PEX5L: variants seen among roughly 807,000 people sequenced by gnomAD.
The protein encoded by PEX5L is PEX5-related protein.
PEX5L carries 30 observed loss-of-function variants against 84.0 expected under a neutral mutation model. The ratio of observed to expected loss-of-function variants is 0.36; its 90% CI spans 0.27 to 0.48. The LOEUF is 0.48. Among genes scored for constraint, PEX5L ranks in the 20% least tolerant of loss-of-function variants. The pLI, the probability that PEX5L is intolerant of heterozygous loss-of-function variation, is 0.99. For synonymous variants in PEX5L, 270 were observed against 283.1 expected (o/e 0.95, Z 0.46); for missense variants, 533 against 754.6 (o/e 0.71, Z 3.44).
intron 2 of PEX5L, among the ~76,000 whole-genome samples, chr3:179,971,193 T>TCTCTCTCTC (rs374504805): frequency 4.2e-4 from 63 of 151,696 alleles, no homozygotes; most frequent in East Asian, 2.7e-3. Flanking sequence ...TTTTCTCTCT[T>TCTCTCTCTC]TCTCTCTCTC....
chr3:179,933,263 G>T (rs1016841951), intron 2 of PEX5L, among the ~76,000 whole-genome samples: 6 of 152,184 alleles, frequency 3.9e-5, no homozygotes, highest in Non-Finnish European at 2.9e-5. Context: ...TTGTTACCAG[G>T]AAATCGACAG....
At chr3:179,889,606 C>T (rs1393636526) in intron 3 of PEX5L, among the ~76,000 whole-genome samples, 4 of 152,076 alleles carry the variant, frequency 2.6e-5, no homozygotes, top group Non-Finnish European at 4.4e-5. Context: ...ATGTATAAAA[C>T]CTCGCAGATT....
intron 3 of PEX5L, among the ~76,000 whole-genome samples, chr3:179,890,680 CA>C (rs1232123167): frequency 6.6e-5 from 10 of 151,890 alleles, no homozygotes; most frequent in African/African-American, 1.9e-4. Flanking sequence ...AGTAAAAAAA[CA>C]AACAAACAAA....
chr3:179,973,593 CTT>C (rs1211247389), intron 1 of PEX5L: 3 of 984,358 alleles, frequency 3.0e-6, no homozygotes, highest in Non-Finnish European at 3.6e-6. Context: ...CATAAAAGCT[CTT>C]GATTTCCCCT....
At chr3:179,937,181 T>C (rs79115987) in intron 2 of PEX5L, among the ~76,000 whole-genome samples, 5,786 of 152,252 alleles carry the variant, frequency 0.038, 138 homozygotes, top group Middle Eastern at 0.085. Flanking sequence ...GTTTACCATG[T>C]TACAAAAGTA....
intron 1 of PEX5L, among the ~76,000 whole-genome samples, chr3:179,984,243 G>A (rs1216530395): frequency 2.6e-5 from 4 of 151,962 alleles, no homozygotes; most frequent in Non-Finnish European, 5.9e-5. Flanking sequence ...AAAATCTACT[G>A]CAAAAGATTA....
chr3:179,871,229 C>T (rs911582538), intron 7 of PEX5L, among the ~76,000 whole-genome samples: 6 of 151,170 alleles, frequency 4.0e-5, no homozygotes, highest in Non-Finnish European at 7.4e-5. Context: ...CAGCCTCCTG[C>T]GTAGCTGGGA....
chr3:179,866,762 C>T (rs1333028318), intron 7 of PEX5L, among the ~76,000 whole-genome samples: 1 of 151,868 alleles, frequency 6.6e-6, no homozygotes, highest in African/African-American at 2.4e-5. Flanking sequence ...CGGTGGCTCA[C>T]GCCTGTAATC....
chr3:179,944,493 G>A (rs566310489), intron 2 of PEX5L, among the ~76,000 whole-genome samples: 4 of 152,308 alleles, frequency 2.6e-5, no homozygotes, highest in Non-Finnish European at 4.4e-5. Context: ...AGGAATAAAC[G>A]AAATGCCTGG....
Position 179,887,751 on chromosome 3 carries a change from G to C in PEX5L, c.232C>G (p.Leu78Val). ...VNEQQESRPL[L>V]SPSIDDFLCE... The stretch of plus-strand genomic sequence containing the variant: ...AGAAAGTCATCGATGGAGGGACTCA[G>C]GAGGGGTCTGCTTTCTTGTTGCTCA... Residue 78 changes from leucine to valine, a missense_variant, in exon 4 of 15, where the codon CTG becomes GTG. Leu to Val is a conservative substitution (Grantham distance 32). Transcript: ENST00000467460. 1 of 1,613,928 alleles carries C rather than the reference G, an allele frequency of 6.2e-7. No homozygotes were observed. Among genetic ancestry groups the C allele is most frequent in the Non-Finnish European group, 8.5e-7 (1 of 1,179,832 alleles).
intron 3 of PEX5L, 61 bp downstream of exon 3, chr3:179,898,081 C>T: frequency 1.1e-6 from 1 of 938,678 alleles, no homozygotes; most frequent in Non-Finnish European, 1.6e-6. Context: ...AGTTAAAAAT[C>T]ACAATGTCTG....
intron 2 of PEX5L, among the ~76,000 whole-genome samples, chr3:179,909,613 G>A (rs546216060): frequency 6.6e-6 from 1 of 152,312 alleles, no homozygotes; most frequent in South Asian, 2.1e-4. Flanking sequence ...GAGCTGAGTT[G>A]TGTACTCCCA....
At chr3:179,909,425 T>C (rs1438461281) in intron 2 of PEX5L, among the ~76,000 whole-genome samples, 1 of 152,204 alleles carries the variant, frequency 6.6e-6, no homozygotes, top group Non-Finnish European at 1.5e-5. Context: ...TCTGAGTCTC[T>C]GTAGCCAAGT....
intron 2 of PEX5L, among the ~76,000 whole-genome samples, chr3:179,954,458 G>GA (rs1779990816): frequency 1.3e-5 from 2 of 152,124 alleles, no homozygotes; most frequent in African/African-American, 4.8e-5. Flanking sequence ...TTCTTCCAAA[G>GA]AATCACCACA....
At chr3:179,977,698 A>G (rs1785942300) in intron 1 of PEX5L, among the ~76,000 whole-genome samples, 1 of 152,230 alleles carries the variant, frequency 6.6e-6, no homozygotes, top group Non-Finnish European at 1.5e-5. Flanking sequence ...TTGCCTTACC[A>G]GTTAAAAATG....
chr3:180,003,134 T>TG (rs1788573894), intron 1 of PEX5L, among the ~76,000 whole-genome samples: 4 of 152,184 alleles, frequency 2.6e-5, no homozygotes. Flanking sequence ...TGACTTCAAA[T>TG]ACCCTATTGA....
Position 179,802,032 on chromosome 3 carries a change from T to C in PEX5L, c.1677A>G (p.Arg559=), listed in dbSNP as rs1560139655. 1.2e-6 allele frequency: 2 copies of C among 1,604,708 alleles called. No homozygotes were observed. Among genetic ancestry groups the C allele is most frequent in the Non-Finnish European group, 1.7e-6 (2 of 1,171,684 alleles). ...CAGTGAGAAAATTGCTGACCGCTTC[T>C]CTAAGAAGGTAGAAAAACATATTTT... ...GISCINLGAY[R]EAVSNFLTAL... Residue 559 remains arginine (R), a splice_region_variant and synonymous_variant, in exon 15 of 15, where the codon AGA becomes AGG. Transcript: ENST00000467460.
intron 3 of PEX5L, among the ~76,000 whole-genome samples, chr3:179,890,988 G>A (rs1757448800): frequency 6.8e-6 from 1 of 147,620 alleles, no homozygotes; most frequent in East Asian, 2.0e-4. Flanking sequence ...TTTTTTTGGA[G>A]TCCGTCTCTT....
chr3:179,953,229 A>C (rs560276850), intron 2 of PEX5L, among the ~76,000 whole-genome samples: 87 of 152,366 alleles, frequency 5.7e-4, no homozygotes, highest in Non-Finnish European at 1.0e-3. Flanking sequence ...AAGCAATGGC[A>C]ACAAAAGCCA....
Sources: allele counts gnomAD v4.1 joint callset (sites outside exome capture counted in the v4.1 genomes callset), GRCh38; gene constraint gnomAD v4.1.1; transcripts MANE v1.5; gene names NCBI Gene and HGNC (gene_info 2026-07-23, HGNC 2026-07-21).